The following MAN2B2 variants were observed in gnomAD, a reference collection of about 807,000 sequenced individuals.
MAN2B2 encodes epididymis-specific alpha-mannosidase.
Under a neutral mutation model 117.1 loss-of-function variants are expected in MAN2B2, and 106 were observed. The ratio of observed to expected loss-of-function variants is 0.90; its 90% CI spans 0.77 to 1.06. The LOEUF (loss-of-function observed/expected upper bound fraction) is 1.06. Among genes scored for constraint, MAN2B2 ranks in the 50% least tolerant of loss-of-function variants. The pLI, the probability that MAN2B2 is intolerant of heterozygous loss-of-function variation, is 0.00. For synonymous variants in MAN2B2, 544 were observed against 595.1 expected, an observed-to-expected ratio of 0.91 and a Z score of 1.25; for missense variants, 1,326 against 1,381.4, an observed-to-expected ratio of 0.96 and a Z score of 0.64.
rs1343260691 is a variant in MAN2B2, at chr4:6,620,057, C to T, written c.2932+13C>T. On this transcript the variant is annotated intron_variant, in intron 18 of 18. Transcript: ENST00000285599. ...GGCCGCCACAGAGGTTTGGGGACCC[C>T]CGCTTCAGCTCCCTACCCAGGACTC... 1 of 1,598,034 alleles carries T rather than the reference C, an allele frequency of 6.3e-7. No homozygotes were observed. The highest frequency in any genetic ancestry group is 1.7e-5 in the Admixed American group (1 of 57,976).
intron 5 of MAN2B2, among the ~76,000 whole-genome samples, chr4:6,591,108 T>A (rs1405259717): frequency 6.6e-6 from 1 of 151,942 alleles, no homozygotes; most frequent in Non-Finnish European, 1.5e-5. Flanking sequence ...AGATCATGAC[T>A]GCACTCCAGC....
chr4:6,585,130 CT>C (rs1560639166), intron 3 of MAN2B2, among the ~76,000 whole-genome samples: 2 of 152,110 alleles, frequency 1.3e-5, no homozygotes, highest in Non-Finnish European at 2.9e-5. Context: ...CACGCTCCCC[CT>C]GATCCCCTCT....
At chr4:6,593,051 T>C in intron 5 of MAN2B2, 122 bp from the exon 6 acceptor site, 1 of 903,922 alleles carries the variant, frequency 1.1e-6, no homozygotes, top group Non-Finnish European at 1.7e-6. Context: ...AGTGGGAGAA[T>C]TCAGTCTCAG....
intron 7 of MAN2B2, among the ~76,000 whole-genome samples, chr4:6,596,825 G>C (rs779463469): frequency 1.3e-5 from 2 of 152,092 alleles, no homozygotes; most frequent in South Asian, 2.1e-4. Context: ...GCTTGCCTCC[G>C]ATCAGGATCC....
At chr4:6,619,825 G>A (rs530599234) in intron 17 of MAN2B2, 102 bp from the exon 18 acceptor site, 10 of 993,856 alleles carry the variant, frequency 1.0e-5, no homozygotes, top group Non-Finnish European at 1.4e-5. Flanking sequence ...GGGCTCCTGA[G>A]GACACCGAGT....
Position 6,597,236 on chromosome 4 carries a change from C to G in MAN2B2, c.1181C>G (p.Pro394Arg), listed in dbSNP as rs149128378. The change falls in exon 8 of 19, where the codon CCC becomes CGC. Residue 394 changes from proline (P) to arginine (R), a missense_variant. Coordinates refer to ENST00000285599, the MANE Select transcript of MAN2B2 (RefSeq NM_015274.3). ...TTCACACGCTACCTGTGGCCGGCCC[C>G]CCGTGGGCATCTGGACCCCACCTGG... ...SMFTRYLWPA[P>R]RGHLDPTWAL... is the part of the protein sequence containing the mutation. 7 of 1,604,970 alleles carry G rather than the reference C, an allele frequency of 4.4e-6. No homozygotes were observed. Among genetic ancestry groups the G allele is most frequent in the African/African-American group, 4.0e-5 (3 of 74,650 alleles).
chr4:6,579,340 CCATCACCAT>C (rs1726313451), intron 3 of MAN2B2, among the ~76,000 whole-genome samples: 10 of 80,612 alleles, frequency 1.2e-4, no homozygotes, highest in South Asian at 5.1e-4. Context: ...ACCACCACCA[CCATCACCAT>C]CACCACCACC....
At chr4:6,583,968 T>C (rs945496171) in intron 3 of MAN2B2, among the ~76,000 whole-genome samples, 2 of 152,174 alleles carry the variant, frequency 1.3e-5, no homozygotes, top group Non-Finnish European at 2.9e-5. Context: ...CCCTGGAAGG[T>C]CAAACTCCGC....
chr4:6,579,204 T>G (rs1379955356), intron 3 of MAN2B2, among the ~76,000 whole-genome samples: 1 of 25,718 alleles, frequency 3.9e-5, no homozygotes, highest in African/African-American at 1.3e-4. Context: ...ACCACCACCA[T>G]CACCATCACC....
chr4:6,617,526 C>T, intron 17 of MAN2B2, 34 bp downstream of exon 17: 1 of 1,612,052 alleles, frequency 6.2e-7, no homozygotes, highest in Non-Finnish European at 8.5e-7. Context: ...GACCATAAGC[C>T]AGGGAAGCAA....
chr4:6,604,558 A>C (rs900953069), intron 10 of MAN2B2, among the ~76,000 whole-genome samples: 2 of 151,892 alleles, frequency 1.3e-5, no homozygotes, highest in Admixed American at 1.3e-4. Context: ...CGGGGAGCAG[A>C]AGGTGCAGGG....
Position 6,594,644 on chromosome 4 carries a change from C to T in MAN2B2, c.969C>T (p.Ala323=). 1 of 1,613,660 alleles carries T rather than the reference C, an allele frequency of 6.2e-7. No individual in the cohort carries two copies. The highest frequency in any genetic ancestry group is 8.5e-7 in the Non-Finnish European group (1 of 1,180,032). ...AGCTCGGTGTCTCGGTGCAGTATGC[C>T]ACGCTGGGCGACTACTTCCGTGCCC... ...AAELGVSVQY[A]TLGDYFRALH... Residue 323 remains alanine, a synonymous_variant, in exon 7 of 19, where the codon GCC becomes GCT. Transcript: ENST00000285599.
chr4:6,586,393 T>C (rs1384648127), intron 3 of MAN2B2, among the ~76,000 whole-genome samples: 1 of 152,218 alleles, frequency 6.6e-6, no homozygotes, highest in Non-Finnish European at 1.5e-5. Context: ...ACACTTAGGT[T>C]TGAAGTTCAC....
In MAN2B2 at chr4:6,593,227, G is replaced by C; in HGVS notation, c.735G>C (p.Gly245=). 6.2e-7 allele frequency: 1 copy of C among 1,613,842 alleles called. No homozygotes were observed. The highest frequency in any genetic ancestry group is 8.5e-7 in the Non-Finnish European group (1 of 1,179,862). Residue 245 remains glycine, a synonymous_variant, in exon 6 of 19, where the codon GGG becomes GGC. Coordinates refer to ENST00000285599, the MANE Select transcript of MAN2B2 (RefSeq NM_015274.3). ...TCTTCCCCAAGCCTCCCCAAGATGG[G>C]GTGTACCCCAACATGAGTGAGCCTG... The part of the protein sequence containing the change: ...VAVFPKPPQD[G]VYPNMSEPVT...
chr4:6,589,231 C>A, intron 5 of MAN2B2, 71 bp downstream of exon 5: 1 of 1,235,782 alleles, frequency 8.1e-7, no homozygotes, highest in Non-Finnish European at 1.2e-6. Context: ...AGCTGTTCTG[C>A]AGTTTTGTTT....
intron 18 of MAN2B2, 25 bp downstream of exon 18, chr4:6,620,069 C>A (rs1007184628): frequency 2.5e-6 from 4 of 1,579,230 alleles, no homozygotes; most frequent in Admixed American, 3.6e-5. Context: ...GCTTCAGCTC[C>A]CTACCCAGGA....
chr4:6,593,106 C>T, intron 5 of MAN2B2, 67 bp from the exon 6 acceptor site: 1 of 1,522,098 alleles, frequency 6.6e-7, no homozygotes, highest in Non-Finnish European at 9.0e-7. Context: ...GAACATGGCA[C>T]TTGGGTGTGA....
At chr4:6,619,858 C>A in intron 17 of MAN2B2, 69 bp from the exon 18 acceptor site, 1 of 1,411,742 alleles carries the variant, frequency 7.1e-7, no homozygotes, top group Non-Finnish European at 9.9e-7. Context: ...TGCCCTGCTG[C>A]TGTCTTGGTT....
chr4:6,588,981 G>A, intron 4 of MAN2B2, 64 bp from the exon 5 acceptor site: 1 of 1,248,958 alleles, frequency 8.0e-7, no homozygotes, highest in Non-Finnish European at 1.2e-6. Flanking sequence ...AGATGGGGCT[G>A]AGGGAAGTGG....
Sources: allele counts gnomAD v4.1 joint callset (sites outside exome capture counted in the v4.1 genomes callset), GRCh38; gene constraint gnomAD v4.1.1; transcripts MANE v1.5; gene names NCBI Gene and HGNC (gene_info 2026-07-23, HGNC 2026-07-21).